The following PTPRN2 variants were observed in gnomAD, a reference collection of about 807,000 sequenced individuals.
PTPRN2 encodes receptor-type tyrosine-protein phosphatase N2.
PTPRN2 carries 74 observed loss-of-function variants against 118.8 expected under a neutral mutation model. The observed-to-expected ratio is 0.62, with a 90% CI of 0.52 to 0.76. The LOEUF is 0.76. PTPRN2 is among the 30% of genes least tolerant of loss of function. The probability of loss-of-function intolerance (pLI) is 0.00; values close to 1 mark genes in which losing one functional copy is unlikely to be tolerated. For synonymous variants in PTPRN2, 641 were observed against 608.0 expected (o/e 1.05, Z -0.80); for missense variants, 1,481 against 1,394.4 (o/e 1.06, Z -0.99).
intron 11 of PTPRN2, among the ~76,000 whole-genome samples, chr7:157,967,288 C>T (rs994561674): frequency 3.9e-5 from 6 of 152,276 alleles, no homozygotes; most frequent in Admixed American, 6.5e-5. Context: ...CCAGCCTGGG[C>T]GACAGAGTGA....
At chr7:157,707,418 ATAT>A (rs901156608) in intron 12 of PTPRN2, among the ~76,000 whole-genome samples, 2 of 152,146 alleles carry the variant, frequency 1.3e-5, no homozygotes, top group Non-Finnish European at 2.9e-5. Flanking sequence ...AGTCGACACT[ATAT>A]TAGCTTCCCA....
At chr7:158,316,323 C>A (rs921612) in intron 3 of PTPRN2, among the ~76,000 whole-genome samples, 1 of 152,204 alleles carries the variant, frequency 6.6e-6, no homozygotes, top group Non-Finnish European at 1.5e-5. Flanking sequence ...GTCAAAGAAG[C>A]GCAGCAGTGG....
chr7:157,756,734 T>C (rs889581221), intron 12 of PTPRN2, among the ~76,000 whole-genome samples: 1 of 151,520 alleles, frequency 6.6e-6, no homozygotes, highest in Non-Finnish European at 1.5e-5. Flanking sequence ...GCAGTGTCCT[T>C]ACCTTCATAG....
In PTPRN2 at chr7:158,431,907, G is replaced by A. The variant is rs147562406; in HGVS notation, c.163+57828C>T. Among the ~76,000 whole-genome samples, 223 of 152,362 alleles carry A rather than the reference G, an allele frequency of 1.5e-3. 2 individuals are homozygous for A. The highest frequency in any genetic ancestry group is 1.4e-3 in the Non-Finnish European group (93 of 68,036). Reference sequence around the variant, plus strand: ...CCATCATGTTATCCGGGACCTGCTCGTCCCTCTCTCTGACCTGCCTGCTGG... The same window carrying A: ...CCATCATGTTATCCGGGACCTGCTCATCCCTCTCTCTGACCTGCCTGCTGG... On this transcript the variant is annotated intron_variant, in intron 2 of 22. Coordinates refer to ENST00000389418, the MANE Select transcript of PTPRN2 (RefSeq NM_002847.5).
chr7:158,101,091 C>T (rs2150346647), intron 10 of PTPRN2, among the ~76,000 whole-genome samples: 1 of 152,274 alleles, frequency 6.6e-6, no homozygotes, highest in Non-Finnish European at 1.5e-5. Flanking sequence ...AAAGAACAAC[C>T]TGGAGGCATC....
chr7:157,888,696 C>T (rs1297561918), intron 12 of PTPRN2, among the ~76,000 whole-genome samples: 3 of 152,210 alleles, frequency 2.0e-5, no homozygotes, highest in Admixed American at 6.5e-5. Flanking sequence ...TGTCTGATGA[C>T]TTTCGTTACT....
chr7:158,556,996 A>G (rs527737165), intron 1 of PTPRN2, among the ~76,000 whole-genome samples: 2 of 129,078 alleles, frequency 1.5e-5, no homozygotes, highest in African/African-American at 3.9e-5. Context: ...GCTCCCACGC[A>G]GGTCGCTCCC....
At chr7:157,776,310 TTC>T in intron 12 of PTPRN2, among the ~76,000 whole-genome samples, 1 of 72,658 alleles carries the variant, frequency 1.4e-5, no homozygotes, top group Admixed American at 1.3e-4. Flanking sequence ...CCCTCTCCTC[TTC>T]CTCCCTCTCC....
chr7:158,092,307 T>C (rs1177452195), intron 10 of PTPRN2, among the ~76,000 whole-genome samples: 8 of 82,074 alleles, frequency 9.7e-5, no homozygotes, highest in African/African-American at 3.9e-4. Context: ...GGTGAGTGGG[T>C]GGGAGGGAGG....
At chr7:158,347,977 A>T (rs979087850) in intron 2 of PTPRN2, among the ~76,000 whole-genome samples, 1 of 152,028 alleles carries the variant, frequency 6.6e-6, no homozygotes. Flanking sequence ...ATGGCTGTCA[A>T]TCCCTAAACT....
intron 3 of PTPRN2, among the ~76,000 whole-genome samples, chr7:158,244,835 A>ACGTG (rs1796110592): frequency 2.0e-5 from 1 of 50,602 alleles, no homozygotes; most frequent in South Asian, 7.3e-4. Flanking sequence ...TGAGTTGTGC[A>ACGTG]CATGTGAGTG....
At chr7:157,772,658 G>A (rs1366762056) in intron 12 of PTPRN2, among the ~76,000 whole-genome samples, 2 of 152,226 alleles carry the variant, frequency 1.3e-5, no homozygotes, top group African/African-American at 2.4e-5. Flanking sequence ...CACCCAGGGC[G>A]ACCCCAGAGG....
chr7:157,677,234 G>T (rs1381296445), intron 13 of PTPRN2, among the ~76,000 whole-genome samples: 1 of 152,194 alleles, frequency 6.6e-6, no homozygotes, highest in Non-Finnish European at 1.5e-5. Context: ...TGAAGCCACA[G>T]AATTCAGCCC....
intron 11 of PTPRN2, among the ~76,000 whole-genome samples, chr7:158,019,788 A>C (rs974451894): frequency 6.6e-6 from 1 of 151,754 alleles, no homozygotes; most frequent in Non-Finnish European, 1.5e-5. Flanking sequence ...GGAGCCGCGC[A>C]GCATGAAACG....
At chr7:157,728,968 C>G (rs1028770676) in intron 12 of PTPRN2, among the ~76,000 whole-genome samples, 1 of 152,122 alleles carries the variant, frequency 6.6e-6, no homozygotes, top group Non-Finnish European at 1.5e-5. Context: ...TCGAGGGAGA[C>G]GGCGCTGACC....
At chr7:158,143,324 G>T (rs1194716289) in intron 6 of PTPRN2, among the ~76,000 whole-genome samples, 1 of 152,216 alleles carries the variant, frequency 6.6e-6, no homozygotes, top group Non-Finnish European at 1.5e-5. Flanking sequence ...CAGAGAACTG[G>T]CAGGAGGCAC....
At chr7:157,904,787 A>G (rs1345098067) in intron 11 of PTPRN2, among the ~76,000 whole-genome samples, 1 of 151,838 alleles carries the variant, frequency 6.6e-6, no homozygotes, top group African/African-American at 2.4e-5. Context: ...AGAGGCCCGC[A>G]CCTCCCTCCT....
intron 3 of PTPRN2, among the ~76,000 whole-genome samples, chr7:158,239,215 G>A (rs1795756486): frequency 1.3e-5 from 2 of 152,192 alleles, no homozygotes; most frequent in South Asian, 2.1e-4. Flanking sequence ...AGAAACCTCA[G>A]GAGGGTAAAA....
chr7:158,213,892 A>T (rs1441042615), intron 3 of PTPRN2, among the ~76,000 whole-genome samples: 1 of 152,156 alleles, frequency 6.6e-6, no homozygotes, highest in East Asian at 1.9e-4. Context: ...ACTAAAATTT[A>T]AAAATTTTTA....
Sources: allele counts gnomAD v4.1 joint callset (sites outside exome capture counted in the v4.1 genomes callset), GRCh38; gene constraint gnomAD v4.1.1; transcripts MANE v1.5; gene names NCBI Gene and HGNC (gene_info 2026-07-23, HGNC 2026-07-21).